Variants in TSPAN11 observed in about 807,000 individuals in gnomAD.
TSPAN11 encodes tetraspanin-11.
TSPAN11 carries 29 observed loss-of-function variants against 32.9 expected under a neutral mutation model. The ratio of observed to expected loss-of-function variants is 0.88; its 90% CI spans 0.66 to 1.20. TSPAN11 has a LOEUF of 1.20. TSPAN11 is among the 50% of genes most tolerant of loss of function. The pLI is 0.00. For synonymous variants in TSPAN11, 140 were observed against 141.3 expected (o/e 0.99, Z 0.07); for missense variants, 283 against 329.1 (o/e 0.86, Z 1.08).
At chr12:30,936,606 T>G (rs907987520) in intron 1 of TSPAN11, among the ~76,000 whole-genome samples, 3 of 152,006 alleles carry the variant, frequency 2.0e-5, no homozygotes, top group Admixed American at 6.5e-5. Context: ...GATGGCTTAG[T>G]GTTGGGGTGG....
chr12:31,005,350 C>A, the TSPAN11 span, among the ~76,000 whole-genome samples: 36 of 152,310 alleles, frequency 2.4e-4, no homozygotes, highest in Non-Finnish European at 4.4e-4. Context: ...CTGCCAACTC[C>A]CCCACAGTGG....
At chr12:30,927,656 G>C (rs1327763148) in intron 1 of TSPAN11, among the ~76,000 whole-genome samples, 1 of 152,196 alleles carries the variant, frequency 6.6e-6, no homozygotes, top group African/African-American at 2.4e-5. Flanking sequence ...CATAGGGTGT[G>C]TGTGGGGGAG....
chr12:30,955,778 C>T (rs1379387985), intron 2 of TSPAN11, among the ~76,000 whole-genome samples: 1 of 152,142 alleles, frequency 6.6e-6, no homozygotes, highest in Non-Finnish European at 1.5e-5. Flanking sequence ...CACTGTTGTC[C>T]GTGTGTGTCT....
intron 1 of TSPAN11, 158 bp downstream of exon 1, chr12:30,926,954 G>A (rs1274482159): frequency 1.6e-6 from 2 of 1,280,652 alleles, no homozygotes; most frequent in South Asian, 1.3e-5. Flanking sequence ...GGCTGGGGAT[G>A]AGGAGTGGAG....
rs146636988 is a variant in TSPAN11 at position 30,935,356 on chromosome 12, T to C, written c.-12+8560T>C. ...GGCTTCAAGGGAGCAGTGAGTATGTTAGCCAATGCTTTGTGGGTTTTTTTT... is the reference window on the plus strand; with the variant it reads ...GGCTTCAAGGGAGCAGTGAGTATGTCAGCCAATGCTTTGTGGGTTTTTTTT... On this transcript the variant is annotated intron_variant, in intron 1 of 7. Transcript: ENST00000546076. Among the ~76,000 whole-genome samples the C allele has an allele frequency of 7.5e-4, 114 of 151,770 alleles. 1 individual carries two copies. The East Asian group carries it at 0.015, about 20-fold the overall frequency.
chr12:30,931,750 G>T (rs1488685043), intron 1 of TSPAN11, among the ~76,000 whole-genome samples: 1 of 151,842 alleles, frequency 6.6e-6, no homozygotes, highest in East Asian at 1.9e-4. Context: ...TGTGGTGGTA[G>T]GTGCCTGTAA....
chr12:30,961,536 G>A (rs1381543862), intron 2 of TSPAN11, among the ~76,000 whole-genome samples: 2 of 151,976 alleles, frequency 1.3e-5, no homozygotes, highest in Admixed American at 1.3e-4. Context: ...TTCCTGTCCA[G>A]AGAAAAGCTT....
At position 30,976,603 on chromosome 12, in the gene TSPAN11, C is replaced by T. The variant is rs560716480; in HGVS notation, c.277-1958C>T. 1.4e-4 allele frequency among the ~76,000 whole-genome samples: 22 copies of T among 152,288 alleles called. No individual in the cohort carries two copies. The South Asian group carries it at 4.6e-3, about 32-fold the overall frequency. On this transcript the variant is annotated intron_variant, in intron 3 of 7. Coordinates refer to ENST00000546076, the MANE Select transcript of TSPAN11 (RefSeq NM_001370302.1). ...GCAGACCCAGGCCCCTGTCCTGAGG[C>T]CCCCTTCAACCACACTCCTCCCCAG...
chr12:30,992,156 G>A lies in TSPAN11; in HGVS notation c.*241G>A. The A allele has an allele frequency of 1.7e-6, 1 of 584,730 alleles. No individual in the cohort carries two copies. Among genetic ancestry groups the A allele is most frequent in the East Asian group, 2.9e-5 (1 of 34,952 alleles). The allele number at this position is 584,730 out of a possible 1,614,324, so 36.2% of individuals were successfully genotyped here. A position where few individuals can be genotyped will look rare whatever the true frequency, so the allele number is the denominator to read the frequency against. The stretch of plus-strand genomic sequence containing the variant: ...ATGGCCAGATCCTGGGCAGGGAAAT[G>A]ATCCTTTCAGGAGACAACCAGAGCC... On this transcript the variant is annotated 3_prime_UTR_variant, in exon 8 of 8. Coordinates refer to ENST00000546076, the MANE Select transcript of TSPAN11 (RefSeq NM_001370302.1).
intron 3 of TSPAN11, among the ~76,000 whole-genome samples, chr12:30,964,560 T>C (rs1938689259): frequency 6.6e-6 from 1 of 152,094 alleles, no homozygotes. Flanking sequence ...TACCATCTCA[T>C]AGCCGATCTT....
intron 3 of TSPAN11, among the ~76,000 whole-genome samples, chr12:30,974,529 G>A (rs763725119): frequency 3.3e-5 from 5 of 152,242 alleles, no homozygotes; most frequent in Non-Finnish European, 7.3e-5. Flanking sequence ...GCATGGGGCT[G>A]GTTATGCTCC....
At chr12:30,950,052 A>C (rs1938350987) in intron 1 of TSPAN11, among the ~76,000 whole-genome samples, 1 of 150,844 alleles carries the variant, frequency 6.6e-6, no homozygotes, top group South Asian at 2.1e-4. Flanking sequence ...GCCTGATGGG[A>C]CCTCCTCTCT....
intron 7 of TSPAN11, among the ~76,000 whole-genome samples, chr12:30,983,995 C>T (rs551974643): frequency 2.0e-4 from 30 of 152,350 alleles, no homozygotes; most frequent in African/African-American, 6.7e-4. Context: ...CCTGTACCCT[C>T]TCCCCTAGCT....
At chr12:30,982,466 G>C in intron 5 of TSPAN11, 66 bp from the exon 6 acceptor site, 1 of 1,548,226 alleles carries the variant, frequency 6.5e-7, no homozygotes. Flanking sequence ...TGAATAATGT[G>C]TCCTGCAGCC....
At chr12:30,927,084 G>C in intron 1 of TSPAN11, 1 of 1,251,754 alleles carries the variant, frequency 8.0e-7, no homozygotes, top group South Asian at 1.3e-5. Flanking sequence ...CTTGTGCCTT[G>C]GGAGAGAGCT....
At chr12:30,950,734 CA>C (rs1334032985) in intron 1 of TSPAN11, among the ~76,000 whole-genome samples, 1 of 152,186 alleles carries the variant, frequency 6.6e-6, no homozygotes, top group East Asian at 1.9e-4. Flanking sequence ...CTGCCCTTTT[CA>C]ACCCATGGTT....
intron 1 of TSPAN11, among the ~76,000 whole-genome samples, chr12:30,929,962 G>A (rs371523276): frequency 3.0e-4 from 46 of 152,204 alleles, no homozygotes; most frequent in South Asian, 8.3e-4. Flanking sequence ...ATTAATGACC[G>A]TGCCCATGAT....
Position 30,995,714 on chromosome 12 carries a change from A to G in TSPAN11, c.*3799A>G, listed in dbSNP as rs1009885815. 9.2e-5 allele frequency: 14 copies of G among 152,264 alleles called. No homozygotes were observed. The highest frequency in any genetic ancestry group is 4.1e-4 in the South Asian group (2 of 4,838). The allele number at this position is 152,264 out of a possible 1,614,324, so 9.4% of individuals were successfully genotyped here. A position where few individuals can be genotyped will look rare whatever the true frequency, so the allele number is the denominator to read the frequency against. ...GGCCGGGCTCACATCCACTGAGGGT[A>G]TAGTGACCAAGCGTCTAAACCAGTC... On this transcript the variant is annotated 3_prime_UTR_variant, in exon 8 of 8. Transcript: ENST00000546076.
At chr12:30,932,620 T>C (rs1937956536) in intron 1 of TSPAN11, among the ~76,000 whole-genome samples, 1 of 152,174 alleles carries the variant, frequency 6.6e-6, no homozygotes, top group African/African-American at 2.4e-5. Context: ...GGGTTGGACA[T>C]CAGTGATTCA....
Sources: gnomAD v4.1 joint callset for allele counts (sites outside exome capture counted in the v4.1 genomes callset) on GRCh38, gnomAD v4.1.1 for gene constraint, MANE v1.5 for transcripts, NCBI Gene and HGNC (gene_info 2026-07-23, HGNC 2026-07-21) for gene names.